Variants in UBR3 observed in about 807,000 individuals in gnomAD.
UBR3 encodes ubiquitin protein ligase E3 component n-recognin 3.
In UBR3, 85 loss-of-function variants were observed where a neutral mutation model predicts 243.2. The observed-to-expected ratio is 0.35, with a 90% CI of 0.29 to 0.42. The LOEUF is 0.42. UBR3 is among the 10% of genes least tolerant of loss of function. The pLI is 1.00. For missense variants in UBR3, 1,686 were observed against 2,300.8 expected (o/e 0.73, Z 5.47); for synonymous variants, 748 against 799.8 (o/e 0.94, Z 1.09).
chr2:169,990,581 A>G (rs568000862), intron 25 of UBR3, among the ~76,000 whole-genome samples: 3 of 152,244 alleles, frequency 2.0e-5, no homozygotes, highest in African/African-American at 7.2e-5. Flanking sequence ...GCATTGAGAT[A>G]GAAACACAAA....
chr2:170,034,429 C>T (rs2090770378), intron 31 of UBR3, among the ~76,000 whole-genome samples: 1 of 151,966 alleles, frequency 6.6e-6, no homozygotes, highest in African/African-American at 2.4e-5. Context: ...TAGAATCATA[C>T]AATATGTAGC....
intron 13 of UBR3, among the ~76,000 whole-genome samples, 200 bp from the exon 14 acceptor site, chr2:169,925,418 TA>T (rs1199562842): frequency 1.3e-5 from 2 of 152,166 alleles, no homozygotes; most frequent in Non-Finnish European, 2.9e-5. Context: ...GTTTAAACTC[TA>T]AAAAAGTGGC....
intron 1 of UBR3, among the ~76,000 whole-genome samples, chr2:169,836,531 C>T (rs1240909541): frequency 5.9e-5 from 9 of 151,784 alleles, no homozygotes; most frequent in African/African-American, 1.9e-4. Flanking sequence ...ATAGCTAATG[C>T]ATGCTGGGCT....
chr2:169,996,775 C>T (rs547949790), intron 26 of UBR3, among the ~76,000 whole-genome samples: 22 of 146,286 alleles, frequency 1.5e-4, no homozygotes, highest in Admixed American at 1.3e-3. Context: ...TCACTGCAAC[C>T]TCTGCCTCCT....
chr2:170,034,190 C>T (rs1046563093), intron 31 of UBR3, among the ~76,000 whole-genome samples: 1 of 151,808 alleles, frequency 6.6e-6, no homozygotes, highest in Non-Finnish European at 1.5e-5. Context: ...CTATAATCAC[C>T]CAAAGTCTGT....
At chr2:169,835,959 C>T (rs1310612858) in intron 1 of UBR3, among the ~76,000 whole-genome samples, 20 of 136,420 alleles carry the variant, frequency 1.5e-4, no homozygotes, top group South Asian at 1.2e-3. Flanking sequence ...CCTCTCCAGA[C>T]GTTAACCATT....
intron 10 of UBR3, among the ~76,000 whole-genome samples, chr2:169,907,489 T>G (rs2085063092): frequency 6.6e-6 from 1 of 152,190 alleles, no homozygotes; most frequent in Admixed American, 6.5e-5. Context: ...TCTAGAAATA[T>G]TCCTCTCCTG....
intron 33 of UBR3, among the ~76,000 whole-genome samples, chr2:170,056,917 C>G (rs2091348619): frequency 6.6e-6 from 1 of 152,036 alleles, no homozygotes. Flanking sequence ...CTTTTTTAGT[C>G]AAAACATAAC....
At chr2:169,933,321 G>T (rs2086208599) in intron 19 of UBR3, among the ~76,000 whole-genome samples, 1 of 152,142 alleles carries the variant, frequency 6.6e-6, no homozygotes, top group Non-Finnish European at 1.5e-5. Context: ...CAGTAGGGGA[G>T]GCACAAGTTA....
rs1156862193 is a variant in UBR3, at chr2:169,827,503, T to C, written c.-5T>C. The C allele has an allele frequency of 1.2e-5, 15 of 1,227,814 alleles. No homozygotes were observed. Among genetic ancestry groups the C allele is most frequent in the Non-Finnish European group, 1.5e-5 (15 of 986,162 alleles). 76.1% of individuals were successfully genotyped at this position (1,227,814 alleles called of 1,614,324 possible). ...CCTGGACTCTCCAAATTCTGAGCTC[T>C]CATCATGGCGGCGGCGGCCGCGGCG... On this transcript the variant is annotated 5_prime_UTR_variant, in exon 1 of 39. Transcript: ENST00000272793.
chr2:169,871,070 C>T (rs1042067173), intron 1 of UBR3, among the ~76,000 whole-genome samples: 1 of 151,668 alleles, frequency 6.6e-6, no homozygotes, highest in African/African-American at 2.4e-5. Context: ...TTCCCTTCTA[C>T]TTATTTCTAG....
intron 19 of UBR3, among the ~76,000 whole-genome samples, chr2:169,935,068 G>A (rs1021122092): frequency 1.3e-5 from 2 of 152,134 alleles, no homozygotes; most frequent in Non-Finnish European, 2.9e-5. Context: ...CAACAACAAA[G>A]CAAACCAGCA....
chr2:169,827,998 G>T lies in UBR3; in HGVS notation c.491G>T (p.Ser164Ile). ...GGACACGACTTCAACATGTTCCGCA[G>T]CCAGGCCGGGGGCGCCTGCGACTGC... is the stretch of plus-strand genomic sequence containing the variant. The part of the protein sequence containing the change: ...HTGHDFNMFR[S>I]QAGGACDCGD... The change falls in exon 1 of 39, where the codon AGC (serine) becomes ATC (isoleucine). Residue 164 changes from serine to isoleucine, a missense_variant. Physicochemically the swap from Ser to Ile is moderately radical, Grantham distance 142. Coordinates refer to ENST00000272793, the MANE Select transcript of UBR3 (RefSeq NM_172070.4). 7.0e-7 allele frequency: 1 copy of T among 1,427,160 alleles called. No individual in the cohort carries two copies. Among genetic ancestry groups the T allele is most frequent in the Non-Finnish European group, 9.2e-7 (1 of 1,083,450 alleles). The allele number at this position is 1,427,160 out of a possible 1,614,324, so 88.4% of individuals were successfully genotyped here. A position where few individuals can be genotyped will look rare whatever the true frequency, so the allele number is the denominator to read the frequency against.
intron 29 of UBR3, among the ~76,000 whole-genome samples, chr2:170,009,526 G>A (rs576698624): frequency 1.3e-4 from 20 of 152,180 alleles, no homozygotes; most frequent in African/African-American, 4.6e-4. Flanking sequence ...TAGTCTAATT[G>A]TATGCAATAC....
At chr2:169,882,999 T>C (rs191906285) in intron 5 of UBR3, among the ~76,000 whole-genome samples, 1 of 152,318 alleles carries the variant, frequency 6.6e-6, no homozygotes, top group Non-Finnish European at 1.5e-5. Flanking sequence ...CTAAGTGTTC[T>C]TTCTATAAAG....
At chr2:169,982,098 G>T (rs1349847679) in intron 24 of UBR3, among the ~76,000 whole-genome samples, 6 of 152,096 alleles carry the variant, frequency 3.9e-5, no homozygotes, top group Admixed American at 3.9e-4. Flanking sequence ...AAATTAAATT[G>T]TGTTAAAAAA....
chr2:169,909,822 A>C (rs2085181431), intron 10 of UBR3, among the ~76,000 whole-genome samples: 1 of 152,148 alleles, frequency 6.6e-6, no homozygotes, highest in African/African-American at 2.4e-5. Flanking sequence ...AAATAAAAAC[A>C]TGCTGTGACA....
intron 5 of UBR3, among the ~76,000 whole-genome samples, chr2:169,879,820 C>G (rs1394832822): frequency 6.6e-6 from 1 of 151,860 alleles, no homozygotes; most frequent in Non-Finnish European, 1.5e-5. Flanking sequence ...TGTTTTGTAA[C>G]AAAATAACTT....
chr2:169,968,932 C>T (rs1262486434), intron 24 of UBR3, among the ~76,000 whole-genome samples: 4 of 152,098 alleles, frequency 2.6e-5, no homozygotes, highest in African/African-American at 7.2e-5. Context: ...TTTGTATTCC[C>T]AGAGGATTAA....
Sources: gnomAD v4.1 joint callset for allele counts (sites outside exome capture counted in the v4.1 genomes callset) on GRCh38, gnomAD v4.1.1 for gene constraint, MANE v1.5 for transcripts, NCBI Gene and HGNC (gene_info 2026-07-23, HGNC 2026-07-21) for gene names.